SUGCT: variants seen among roughly 807,000 people sequenced by gnomAD.
The protein encoded by SUGCT is succinyl-CoA:glutarate CoA-transferase.
Under a neutral mutation model 55.0 loss-of-function variants are expected in SUGCT, and 41 were observed. That is an observed-to-expected ratio of 0.74 (90% CI 0.58 to 0.97). The LOEUF (loss-of-function observed/expected upper bound fraction) is 0.97. SUGCT is among the 50% of genes least tolerant of loss of function. The probability of loss-of-function intolerance (pLI) is 0.00; values close to 1 mark genes in which losing one functional copy is unlikely to be tolerated. For missense variants in SUGCT, 568 were observed against 547.8 expected, an observed-to-expected ratio of 1.04 and a Z score of -0.37; for synonymous variants, 187 against 200.4, an observed-to-expected ratio of 0.93 and a Z score of 0.56.
the SUGCT span, among the ~76,000 whole-genome samples, chr7:41,020,024 A>G: frequency 6.6e-6 from 1 of 152,134 alleles, no homozygotes; most frequent in African/African-American, 2.4e-5. Flanking sequence ...CCCAGCACTT[A>G]ATTTTCCTTC....
chr7:40,565,177 A>G (rs977894945), intron 12 of SUGCT, among the ~76,000 whole-genome samples: 2 of 152,272 alleles, frequency 1.3e-5, no homozygotes, highest in South Asian at 4.2e-4. Flanking sequence ...CGTTCTCTCA[A>G]TTTTTTACCA....
chr7:40,929,200 T>G, the SUGCT span, among the ~76,000 whole-genome samples: 1 of 152,220 alleles, frequency 6.6e-6, no homozygotes, highest in African/African-American at 2.4e-5. Flanking sequence ...TGTGATAGTT[T>G]GCTGAGAATG....
At chr7:40,307,255 G>T (rs1344083303) in intron 8 of SUGCT, among the ~76,000 whole-genome samples, 2 of 152,152 alleles carry the variant, frequency 1.3e-5, no homozygotes, top group East Asian at 3.8e-4. Flanking sequence ...CATATTTGCA[G>T]CAAAGCAGAA....
At chr7:40,964,586 G>A in the SUGCT span, 1 of 152,348 alleles carries the variant, frequency 6.6e-6, no homozygotes, top group Admixed American at 6.5e-5. Flanking sequence ...CACTGAGTGA[G>A]ACGATGCTTT....
At chr7:40,748,203 T>C (rs1160443245) in intron 12 of SUGCT, among the ~76,000 whole-genome samples, 2 of 152,132 alleles carry the variant, frequency 1.3e-5, no homozygotes, top group Non-Finnish European at 2.9e-5. Context: ...AGGAGGGTAT[T>C]TTTATTACTG....
intron 12 of SUGCT, among the ~76,000 whole-genome samples, chr7:40,590,915 A>T (rs1043352540): frequency 2.0e-5 from 3 of 152,214 alleles, no homozygotes; most frequent in Admixed American, 2.0e-4. Flanking sequence ...CAGAAAAAAA[A>T]ATTATTTTAA....
At chr7:40,424,821 T>C (rs886625882) in intron 9 of SUGCT, among the ~76,000 whole-genome samples, 1 of 152,108 alleles carries the variant, frequency 6.6e-6, no homozygotes, top group East Asian at 1.9e-4. Context: ...TTGGTTTTTT[T>C]ATGAGGAAAG....
At chr7:40,234,874 G>A (rs1403805190) in intron 6 of SUGCT, among the ~76,000 whole-genome samples, 4 of 151,604 alleles carry the variant, frequency 2.6e-5, no homozygotes, top group Non-Finnish European at 4.4e-5. Flanking sequence ...GTGCCACTGC[G>A]CTCCGGTCTG....
intron 11 of SUGCT, among the ~76,000 whole-genome samples, chr7:40,465,603 C>T (rs1032615992): frequency 1.3e-5 from 2 of 151,916 alleles, no homozygotes; most frequent in African/African-American, 4.8e-5. Flanking sequence ...GAGCAAGACT[C>T]TGTCTCAAAA....
intron 9 of SUGCT, among the ~76,000 whole-genome samples, chr7:40,386,107 A>G (rs1285588310): frequency 1.3e-5 from 2 of 152,194 alleles, no homozygotes; most frequent in Non-Finnish European, 2.9e-5. Flanking sequence ...TCACTGTACT[A>G]GGACACAGAT....
chr7:40,309,915 C>G, intron 8 of SUGCT, among the ~76,000 whole-genome samples: 1 of 146,594 alleles, frequency 6.8e-6, no homozygotes, highest in African/African-American at 2.5e-5. Flanking sequence ...AAACACATGA[C>G]CATGCTGATT....
chr7:40,230,307 G>T (rs1788642965), intron 6 of SUGCT, among the ~76,000 whole-genome samples: 1 of 152,212 alleles, frequency 6.6e-6, no homozygotes, highest in Admixed American at 6.5e-5. Context: ...TTCTAAGTAT[G>T]CATGTCACGT....
chr7:40,348,448 C>A (rs537282361), intron 9 of SUGCT, among the ~76,000 whole-genome samples: 88 of 152,260 alleles, frequency 5.8e-4, no homozygotes, highest in African/African-American at 2.0e-3. Context: ...AGAATCCAGT[C>A]CTTCCTAGGG....
the SUGCT span, among the ~76,000 whole-genome samples, chr7:40,917,605 C>T: frequency 6.6e-6 from 1 of 152,110 alleles, no homozygotes; most frequent in Non-Finnish European, 1.5e-5. Flanking sequence ...CCAGTTGTCT[C>T]AGTTCAAGCT....
At chr7:40,956,586 A>T in the SUGCT span, among the ~76,000 whole-genome samples, 1 of 151,808 alleles carries the variant, frequency 6.6e-6, no homozygotes, top group Non-Finnish European at 1.5e-5. Context: ...GAATTCATTT[A>T]TTTCTTTTGA....
intron 12 of SUGCT, among the ~76,000 whole-genome samples, chr7:40,698,195 T>C (rs1054667140): frequency 1.3e-5 from 2 of 152,176 alleles, no homozygotes; most frequent in Non-Finnish European, 2.9e-5. Flanking sequence ...TGAAGGCCTT[T>C]GGAGAGGTAA....
chr7:40,664,139 C>T lies in SUGCT; in HGVS notation c.1090-85295C>T, dbSNP rs114294477. 1.5e-3 allele frequency among the ~76,000 whole-genome samples: 224 copies of T among 152,252 alleles called. 1 individual carries two copies. The highest frequency in any genetic ancestry group is 5.2e-3 in the African/African-American group (218 of 41,564). On this transcript the variant is annotated intron_variant, in intron 12 of 13. Transcript: ENST00000335693. ...CCGATCCTGCCAACACCATGATTTTCGATTTCTACCCTCTAAAGTTGTAAG... is the reference window on the plus strand; with the variant it reads ...CCGATCCTGCCAACACCATGATTTTTGATTTCTACCCTCTAAAGTTGTAAG...
chr7:40,685,855 T>C (rs1784440805), intron 12 of SUGCT, among the ~76,000 whole-genome samples: 1 of 152,192 alleles, frequency 6.6e-6, no homozygotes, highest in Non-Finnish European at 1.5e-5. Context: ...CTGGCCAACA[T>C]AGCAAGACCC....
chr7:40,465,482 C>T (rs1386482342), intron 11 of SUGCT, among the ~76,000 whole-genome samples: 3 of 152,020 alleles, frequency 2.0e-5, no homozygotes, highest in East Asian at 3.9e-4. Flanking sequence ...TGGTGGCACA[C>T]GCCTGTAATC....
Sources: allele counts gnomAD v4.1 joint callset (sites outside exome capture counted in the v4.1 genomes callset), GRCh38; gene constraint gnomAD v4.1.1; transcripts MANE v1.5; gene names NCBI Gene and HGNC (gene_info 2026-07-23, HGNC 2026-07-21).